Variants in JPH3 observed in about 807,000 individuals in gnomAD.
JPH3 encodes junctophilin 3, also known as junctophilin-3.
A neutral mutation model predicts 59.6 loss-of-function variants in JPH3; 11 were observed. That is an observed-to-expected ratio of 0.18 (90% CI 0.12 to 0.31). JPH3 has a LOEUF of 0.31. Ranked by LOEUF, JPH3 falls within the 10% of genes least tolerant of loss-of-function variation. JPH3 has a pLI of 1.00. For missense variants in JPH3, 1,202 were observed against 1,105.7 expected, an observed-to-expected ratio of 1.09 and a Z score of -1.24; for synonymous variants, 673 against 483.6, an observed-to-expected ratio of 1.39 and a Z score of -5.14.
At chr16:87,672,466 G>A (rs1018125108) in intron 2 of JPH3, among the ~76,000 whole-genome samples, 5 of 152,238 alleles carry the variant, frequency 3.3e-5, no homozygotes, top group Non-Finnish European at 5.9e-5. Flanking sequence ...ATGATGGGCA[G>A]CTTTGCGGAG....
At chr16:87,666,595 C>A (rs1374669390) in intron 2 of JPH3, among the ~76,000 whole-genome samples, 4 of 151,332 alleles carry the variant, frequency 2.6e-5, no homozygotes, top group African/African-American at 9.7e-5. Flanking sequence ...TAGGGGTCTC[C>A]CTATGTTGGT....
chr16:87,671,843 G>C (rs918571913), intron 2 of JPH3, among the ~76,000 whole-genome samples: 1 of 152,230 alleles, frequency 6.6e-6, no homozygotes, highest in East Asian at 1.9e-4. Context: ...ACTGAGTAGA[G>C]CAGAGTTATT....
At chr16:87,644,063 A>G (rs1307701025) in intron 1 of JPH3, among the ~76,000 whole-genome samples, 195 bp from the exon 2 acceptor site, 1 of 152,188 alleles carries the variant, frequency 6.6e-6, no homozygotes, top group Non-Finnish European at 1.5e-5. Flanking sequence ...GCCTGAGCCC[A>G]GGGGTTCCTG....
At position 87,689,853 on chromosome 16, in the gene JPH3, T is replaced by C. The variant is rs1226145169; in HGVS notation, c.1493T>C (p.Val498Ala). The C allele has an allele frequency of 6.6e-7, 1 of 1,517,552 alleles. No homozygotes were observed. The highest frequency in any genetic ancestry group is 2.1e-5 in the Admixed American group (1 of 48,482). 94.0% of individuals were successfully genotyped at this position (1,517,552 alleles called of 1,614,324 possible). The change falls in exon 4 of 5, where the codon GTC becomes GCC. Residue 498 changes from valine to alanine, a missense_variant. By Grantham distance (64) the Val-to-Ala change is moderately conservative. Transcript: ENST00000284262. ...CCCGCGCCCGCCGCCAGGAACAAGGTCGCCCACTTCTCGAGGCAGGTGTCG... is the reference window on the plus strand; with the variant it reads ...CCCGCGCCCGCCGCCAGGAACAAGGCCGCCCACTTCTCGAGGCAGGTGTCG... Reference protein sequence around the residue: ...PPPAPAARNKVAHFSRQVSVD... With the variant: ...PPPAPAARNKAAHFSRQVSVD...
chr16:87,616,834 A>T (rs757434726), intron 1 of JPH3, among the ~76,000 whole-genome samples: 36 of 152,168 alleles, frequency 2.4e-4, no homozygotes, highest in African/African-American at 8.7e-4. Flanking sequence ...CGTTTCCAAA[A>T]TGCTCTGTAA....
intron 2 of JPH3, among the ~76,000 whole-genome samples, chr16:87,674,348 C>CA (rs796224796): frequency 3.3e-5 from 5 of 151,818 alleles, no homozygotes; most frequent in African/African-American, 4.8e-5. Context: ...AAAACAAAAA[C>CA]AAAAAAAAGC....
chr16:87,628,340 C>T (rs940187821), intron 1 of JPH3, among the ~76,000 whole-genome samples: 1 of 152,254 alleles, frequency 6.6e-6, no homozygotes, highest in Non-Finnish European at 1.5e-5. Flanking sequence ...AGGGCTGCCA[C>T]CTTGGGCGGT....
chr16:87,674,022 C>T (rs1228831517), intron 2 of JPH3, among the ~76,000 whole-genome samples: 1 of 146,162 alleles, frequency 6.8e-6, no homozygotes, highest in East Asian at 2.1e-4. Context: ...CTCCAAGATA[C>T]AGTGTTAAGT....
Position 87,604,664 on chromosome 16 carries a change from C to A in JPH3, c.382+1136C>A, listed in dbSNP as rs1015259244. On this transcript the variant is annotated intron_variant, in intron 1 of 4. Transcript: ENST00000284262. Reference sequence around the variant, plus strand: ...AGTCCTCCCCGCCCGCTCGCTGCCTCCGAGTCTCATGAAGAAAGCTCGGAA... The same window carrying A: ...AGTCCTCCCCGCCCGCTCGCTGCCTACGAGTCTCATGAAGAAAGCTCGGAA... 37 of 1,160,208 alleles carry A rather than the reference C, an allele frequency of 3.2e-5. No individual in the cohort carries two copies. In the African/African-American group the frequency reaches 5.1e-4, roughly 16 times the overall value. 71.9% of individuals were successfully genotyped at this position (1,160,208 alleles called of 1,614,324 possible).
intron 2 of JPH3, among the ~76,000 whole-genome samples, chr16:87,645,443 G>A (rs748918293): frequency 6.6e-6 from 1 of 152,242 alleles, no homozygotes; most frequent in East Asian, 1.9e-4. Flanking sequence ...GCACTGCAGG[G>A]CTGTGGGAGG....
chr16:87,652,442 T>C (rs1227049476), intron 2 of JPH3, among the ~76,000 whole-genome samples: 1 of 152,388 alleles, frequency 6.6e-6, no homozygotes, highest in East Asian at 1.9e-4. Context: ...GCACGCTTAA[T>C]AGACTACAAT....
chr16:87,660,124 G>C (rs1027888426), intron 2 of JPH3, among the ~76,000 whole-genome samples: 1 of 152,170 alleles, frequency 6.6e-6, no homozygotes, highest in Admixed American at 6.5e-5. Flanking sequence ...GTAAAGGGGA[G>C]CTGAGGACAG....
chr16:87,608,192 A>G (rs1454729673), intron 1 of JPH3, among the ~76,000 whole-genome samples: 1 of 152,218 alleles, frequency 6.6e-6, no homozygotes, highest in African/African-American at 2.4e-5. Context: ...GAGGACACCC[A>G]GCCGGAGAGA....
chr16:87,612,641 G>A (rs770044714), intron 1 of JPH3, among the ~76,000 whole-genome samples: 2 of 152,150 alleles, frequency 1.3e-5, no homozygotes, highest in East Asian at 1.9e-4. Flanking sequence ...GTCACAGCAA[G>A]CAGGGCCTAG....
chr16:87,609,073 C>A (rs143928411), intron 1 of JPH3, among the ~76,000 whole-genome samples: 102 of 152,276 alleles, frequency 6.7e-4, no homozygotes, highest in African/African-American at 2.2e-3. Context: ...CCTACTCAGT[C>A]GGTGCATGGA....
At chr16:87,666,332 G>A (rs140859711) in intron 2 of JPH3, among the ~76,000 whole-genome samples, 34 of 150,886 alleles carry the variant, frequency 2.3e-4, no homozygotes, top group African/African-American at 8.0e-4. Context: ...CAGGTGATCC[G>A]CTCCCCTCGA....
At chr16:87,655,425 C>T (rs888689990) in intron 2 of JPH3, among the ~76,000 whole-genome samples, 1 of 152,196 alleles carries the variant, frequency 6.6e-6, no homozygotes, top group Non-Finnish European at 1.5e-5. Context: ...ACGATCATAG[C>T]CCACTGCAGC....
chr16:87,635,981 G>C (rs981550802), intron 1 of JPH3, among the ~76,000 whole-genome samples: 1 of 152,250 alleles, frequency 6.6e-6, no homozygotes, highest in African/African-American at 2.4e-5. Flanking sequence ...AGGGCAACTG[G>C]AGCAGACAGG....
At chr16:87,639,065 G>A (rs376669068) in intron 1 of JPH3, among the ~76,000 whole-genome samples, 143 of 152,282 alleles carry the variant, frequency 9.4e-4, no homozygotes, top group Non-Finnish European at 1.2e-3. Context: ...TTCCTAGGGC[G>A]GCCACAGCCC....
Sources: allele counts gnomAD v4.1 joint callset (sites outside exome capture counted in the v4.1 genomes callset), GRCh38; gene constraint gnomAD v4.1.1; transcripts MANE v1.5; gene names NCBI Gene and HGNC (gene_info 2026-07-23, HGNC 2026-07-21).